Variants in GOSR1 observed in about 807,000 individuals in gnomAD.
GOSR1 encodes golgi SNAP receptor complex member 1.
GOSR1 carries 21 observed loss-of-function variants against 35.5 expected under a neutral mutation model. That is an observed-to-expected ratio of 0.59 (90% CI 0.42 to 0.85). The LOEUF (loss-of-function observed/expected upper bound fraction) is 0.85, where lower values mean the gene tolerates loss of function less well. Among genes scored for constraint, GOSR1 ranks in the 40% least tolerant of loss-of-function variants. The probability of loss-of-function intolerance (pLI) is 0.00; values close to 1 mark genes in which losing one functional copy is unlikely to be tolerated. For synonymous variants in GOSR1, 94 were observed against 106.6 expected (o/e 0.88, Z 0.73); for missense variants, 285 against 309.6 (o/e 0.92, Z 0.60).
intron 4 of GOSR1, among the ~76,000 whole-genome samples, chr17:30,485,744 G>A (rs927253950): frequency 1.3e-5 from 2 of 152,138 alleles, no homozygotes; most frequent in African/African-American, 2.4e-5. Flanking sequence ...ATAGATGGCC[G>A]GGCGCAGTGG....
chr17:30,526,920 A>G lies in GOSR1; in HGVS notation c.*4542A>G. On this transcript the variant is annotated 3_prime_UTR_variant, in exon 9 of 9. Coordinates refer to ENST00000451249, the MANE Select transcript of GOSR1 (RefSeq NM_001007025.2). Reference sequence around the variant, plus strand: ...TAAGTGTTTCTCATGATGTCCTGAAACCCAGGATGAAATAATACAGGTGCT... The same window carrying G: ...TAAGTGTTTCTCATGATGTCCTGAAGCCCAGGATGAAATAATACAGGTGCT... 6.6e-6 allele frequency: 1 copy of G among 152,220 alleles called. No homozygotes were observed. The allele number at this position is 152,220 out of a possible 1,614,324, so 9.4% of individuals were successfully genotyped here.
intron 6 of GOSR1, among the ~76,000 whole-genome samples, chr17:30,495,817 T>C (rs555016416): frequency 8.5e-5 from 13 of 152,390 alleles, no homozygotes; most frequent in African/African-American, 2.9e-4. Flanking sequence ...CAGTCTGTTG[T>C]TCTACTTCTG....
intron 7 of GOSR1, among the ~76,000 whole-genome samples, chr17:30,517,335 G>A (rs1967858794): frequency 6.6e-6 from 1 of 152,136 alleles, no homozygotes; most frequent in African/African-American, 2.4e-5. Flanking sequence ...GAAGTAACTT[G>A]TGTTAAGTGA....
chr17:30,484,640 GT>G lies in GOSR1; in HGVS notation c.235-13del, dbSNP rs5819903. On this transcript the variant is annotated intron_variant, in intron 3 of 8. Coordinates refer to ENST00000451249, the MANE Select transcript of GOSR1 (RefSeq NM_001007025.2). ...TAGTGCTTAGTAAAATATTTTGATT[GT>G]TTTTTTTTTCTTTATTTCTAGCTTA... 614 of 1,119,508 alleles carry G rather than the reference GT, an allele frequency of 5.5e-4. 1 individual carries two copies. In the African/African-American group the frequency reaches 6.4e-3, roughly 12 times the overall value. The allele number at this position is 1,119,508 out of a possible 1,614,324, so 69.3% of individuals were successfully genotyped here. A position where few individuals can be genotyped will look rare whatever the true frequency, so the allele number is the denominator to read the frequency against.
intron 4 of GOSR1, 134 bp downstream of exon 4, chr17:30,484,904 A>G (rs1327816486): frequency 5.7e-6 from 4 of 696,980 alleles, no homozygotes; most frequent in Non-Finnish European, 1.1e-5. Flanking sequence ...ATGCCATGCT[A>G]AAGGGACTTG....
intron 6 of GOSR1, among the ~76,000 whole-genome samples, chr17:30,500,166 GT>G (rs1167908830): frequency 1.3e-5 from 2 of 152,100 alleles, no homozygotes; most frequent in Non-Finnish European, 2.9e-5. Flanking sequence ...AAGAGCCGAG[GT>G]TTTTAATTTT....
At chr17:30,498,155 C>CT (rs531341013) in intron 6 of GOSR1, among the ~76,000 whole-genome samples, 133 of 142,758 alleles carry the variant, frequency 9.3e-4, no homozygotes, top group Non-Finnish European at 1.4e-3. Flanking sequence ...TATTCAAATC[C>CT]TTTTTTTTTT....
At position 30,519,906 on chromosome 17, in the gene GOSR1, A is replaced by T. The variant is rs375466483; in HGVS notation, c.540-33A>T. On this transcript the variant is annotated intron_variant, in intron 7 of 8. Transcript: ENST00000451249. The stretch of plus-strand genomic sequence containing the variant: ...ATGGTTCCAGGCAGGATAATCTTAA[A>T]TGGTGATTTGTCATCTTTTTTTCCC... 68 of 1,310,840 alleles carry T rather than the reference A, an allele frequency of 5.2e-5. No individual in the cohort carries two copies. The African/African-American group carries it at 8.0e-4, about 15-fold the overall frequency. The allele number at this position is 1,310,840 out of a possible 1,614,324, so 81.2% of individuals were successfully genotyped here.
rs573863735 is a variant in GOSR1 at position 30,526,179 on chromosome 17, A to T, written c.*3801A>T. 1.3e-5 allele frequency: 2 copies of T among 152,326 alleles called. No individual in the cohort carries two copies. The highest frequency in any genetic ancestry group is 1.3e-4 in the Admixed American group (2 of 15,296). 9.4% of individuals were successfully genotyped at this position (152,326 alleles called of 1,614,324 possible). Reference sequence around the variant, plus strand: ...GAGGCTAACAGTTAGTTACTTGTTAATGCTAGTCACAGCCAGGAGGTCAGA... The same window carrying T: ...GAGGCTAACAGTTAGTTACTTGTTATTGCTAGTCACAGCCAGGAGGTCAGA... On this transcript the variant is annotated 3_prime_UTR_variant, in exon 9 of 9. Coordinates refer to ENST00000451249, the MANE Select transcript of GOSR1 (RefSeq NM_001007025.2).
At chr17:30,492,558 T>C (rs1597772506) in intron 5 of GOSR1, 121 bp from the exon 6 acceptor site, 3 of 621,316 alleles carry the variant, frequency 4.8e-6, no homozygotes, top group East Asian at 5.4e-5. Flanking sequence ...TTATGTACTT[T>C]CATTGTTCAT....
chr17:30,485,833 C>A (rs1050422772), intron 4 of GOSR1, among the ~76,000 whole-genome samples: 2 of 152,014 alleles, frequency 1.3e-5, no homozygotes, highest in Non-Finnish European at 2.9e-5. Context: ...ACCAGCCTGG[C>A]CAACATGGCG....
At chr17:30,516,331 G>A (rs985627658) in intron 7 of GOSR1, among the ~76,000 whole-genome samples, 6 of 151,934 alleles carry the variant, frequency 3.9e-5, no homozygotes, top group African/African-American at 1.5e-4. Context: ...TTAGCTGGGC[G>A]TGGTGGCAGG....
chr17:30,482,682 A>C (rs1414980632), intron 2 of GOSR1, among the ~76,000 whole-genome samples: 2 of 152,212 alleles, frequency 1.3e-5, no homozygotes, highest in East Asian at 3.8e-4. Context: ...ACTATAGCCA[A>C]ATTACTATTT....
intron 6 of GOSR1, among the ~76,000 whole-genome samples, chr17:30,507,428 G>A (rs1967441915): frequency 6.6e-6 from 1 of 152,126 alleles, no homozygotes; most frequent in Non-Finnish European, 1.5e-5. Flanking sequence ...TAGAAGTGGA[G>A]CCTGAGCTGG....
At chr17:30,489,306 C>A (rs1914876504) in intron 4 of GOSR1, among the ~76,000 whole-genome samples, 1 of 152,074 alleles carries the variant, frequency 6.6e-6, no homozygotes, top group African/African-American at 2.4e-5. Flanking sequence ...TCGCTTGAAC[C>A]CAGGAAGTGG....
chr17:30,519,355 C>T (rs1967939936), intron 7 of GOSR1, among the ~76,000 whole-genome samples: 1 of 152,162 alleles, frequency 6.6e-6, no homozygotes, highest in African/African-American at 2.4e-5. Flanking sequence ...CCACACCCAG[C>T]TGTTTTAGCC....
Position 30,510,884 on chromosome 17 carries a change from G to A in GOSR1, c.514G>A (p.Asp172Asn). ...LKEHDHLRNS[D>N]RLIEETISIA... Reference sequence around the variant, plus strand: ...AATTTTTCTTTTTATTTGCAGCTCAGATCGTCTGATAGAAGAGACAATAAG... The same window carrying A: ...AATTTTTCTTTTTATTTGCAGCTCAAATCGTCTGATAGAAGAGACAATAAG... Residue 172 changes from aspartate to asparagine, a missense_variant, in exon 7 of 9, where the codon GAT becomes AAT. By Grantham distance (23) the Asp-to-Asn change is conservative (BLOSUM62 1). Coordinates refer to ENST00000451249, the MANE Select transcript of GOSR1 (RefSeq NM_001007025.2). The A allele has an allele frequency of 6.5e-7, 1 of 1,535,976 alleles. No individual in the cohort carries two copies. The highest frequency in any genetic ancestry group is 9.0e-7 in the Non-Finnish European group (1 of 1,112,764).
rs751670535 is a variant in GOSR1 at position 30,477,438 on chromosome 17, C to T, written c.5C>T (p.Ala2Val). 1.2e-6 allele frequency: 2 copies of T among 1,608,892 alleles called. No homozygotes were observed. Among genetic ancestry groups the T allele is most frequent in the Non-Finnish European group, 1.7e-6 (2 of 1,177,052 alleles). M[A>V]AGTSSYWEDL... ...GGCTGACGTTGGACGACAAAGATGGCGGCAGGGACCAGCAGTTACTGGGAA... is the reference window on the plus strand; with the variant it reads ...GGCTGACGTTGGACGACAAAGATGGTGGCAGGGACCAGCAGTTACTGGGAA... Residue 2 changes from alanine to valine, a missense_variant, in exon 1 of 9, where the codon GCG becomes GTG. Coordinates refer to ENST00000451249, the MANE Select transcript of GOSR1 (RefSeq NM_001007025.2).
At chr17:30,501,172 G>T (rs548890748) in intron 6 of GOSR1, among the ~76,000 whole-genome samples, 1 of 152,054 alleles carries the variant, frequency 6.6e-6, no homozygotes, top group Non-Finnish European at 1.5e-5. Context: ...GAGCCACCGC[G>T]CCCGGCCACA....
Sources: gnomAD v4.1 joint callset for allele counts (sites outside exome capture counted in the v4.1 genomes callset) on GRCh38, gnomAD v4.1.1 for gene constraint, MANE v1.5 for transcripts, NCBI Gene and HGNC (gene_info 2026-07-23, HGNC 2026-07-21) for gene names.